The following WNT5A variants were observed in gnomAD, a reference collection of about 807,000 sequenced individuals.
WNT5A encodes protein Wnt-5a.
Under a neutral mutation model 42.1 loss-of-function variants are expected in WNT5A, and 9 were observed. The observed-to-expected ratio is 0.21, with a 90% CI of 0.13 to 0.37. The LOEUF (loss-of-function observed/expected upper bound fraction) is 0.37, where lower values mean the gene tolerates loss of function less well. WNT5A is among the 10% of genes least tolerant of loss of function. The pLI, the probability that WNT5A is intolerant of heterozygous loss-of-function variation, is 1.00. For missense variants in WNT5A, 426 were observed against 534.0 expected (o/e 0.80, Z 1.99); for synonymous variants, 210 against 210.0 (o/e 1.00, Z 0.00).
chr3:55,473,560 A>G (rs1352262792), intron 4 of WNT5A, among the ~76,000 whole-genome samples: 1 of 152,196 alleles, frequency 6.6e-6, no homozygotes, highest in African/African-American at 2.4e-5. Context: ...GAGGACTGCA[A>G]AGATGGTCCT....
In WNT5A at chr3:55,487,204, A is replaced by G; in HGVS notation, c.-219T>C. The G allele has an allele frequency of 2.0e-6, 1 of 511,706 alleles. No homozygotes were observed. The highest frequency in any genetic ancestry group is 3.4e-6 in the Non-Finnish European group (1 of 293,724). The allele number at this position is 511,706 out of a possible 1,614,324, so 31.7% of individuals were successfully genotyped here. ...GGGGCAGAGCTGGGATGCGCCCAGG[A>G]ATGGAGGGGGCGCGGACGCGCGCGA... On this transcript the variant is annotated 5_prime_UTR_variant, in exon 1 of 5. Transcript: ENST00000264634.
At chr3:55,477,711 T>C (rs2051383274) in intron 3 of WNT5A, among the ~76,000 whole-genome samples, 1 of 152,140 alleles carries the variant, frequency 6.6e-6, no homozygotes, top group Admixed American at 6.5e-5. Context: ...ACTTAGCAAA[T>C]GATAGCTTAT....
rs903791855 is a variant in WNT5A at position 55,466,651 on chromosome 3, A to AT, written c.*3440dup. 2.6e-5 allele frequency: 4 copies of AT among 152,500 alleles called. No homozygotes were observed. The highest frequency in any genetic ancestry group is 2.6e-4 in the Admixed American group (4 of 15,272). The allele number at this position is 152,500 out of a possible 1,614,324, so 9.4% of individuals were successfully genotyped here. ...CTCTTTTGCTGCTGCCTATATATAA[A>AT]TTTTTTATTAATTTTCTTGTATTGG... On this transcript the variant is annotated 3_prime_UTR_variant, in exon 5 of 5. Coordinates refer to ENST00000264634, the MANE Select transcript of WNT5A (RefSeq NM_003392.7).
chr3:55,490,956 A>C (rs1202135377), upstream of WNT5A, among the ~76,000 whole-genome samples: 1 of 152,140 alleles, frequency 6.6e-6, no homozygotes, highest in African/African-American at 2.4e-5. Context: ...TGATAATATT[A>C]ATAATTAGTG....
In WNT5A at chr3:55,484,685, TACACACACACACACACACAC is replaced by T. The variant is rs67013864; in HGVS notation, c.6+2275_6+2294del. 3.1e-3 allele frequency among the ~76,000 whole-genome samples: 432 copies of T among 137,984 alleles called. 4 individuals carry two copies. Among genetic ancestry groups the T allele is most frequent in the South Asian group, 5.7e-3 (23 of 4,066 alleles). 90.5% of individuals were successfully genotyped at this position (137,984 alleles called of 152,430 possible). ...AGACTGGGCTTTCCAGGCCCCAGGATACACACACACACACACACACACACACACACACACACACACACACA... is the reference window on the plus strand; with the variant it reads ...AGACTGGGCTTTCCAGGCCCCAGGATACACACACACACACACACACACACA... On this transcript the variant is annotated intron_variant, in intron 1 of 4. Transcript: ENST00000264634.
Position 55,474,321 on chromosome 3 carries a change from G to C in WNT5A, c.684+16C>G, listed in dbSNP as rs745452022. The C allele has an allele frequency of 6.2e-7, 1 of 1,612,518 alleles. No individual in the cohort carries two copies. The highest frequency in any genetic ancestry group is 8.5e-7 in the Non-Finnish European group (1 of 1,179,722). ...GAAGACAGAGATGCGGGGCGGGGGCGAGACGCGGCACTCACCCTGCGGCCG... is the reference window on the plus strand; with the variant it reads ...GAAGACAGAGATGCGGGGCGGGGGCCAGACGCGGCACTCACCCTGCGGCCG... On this transcript the variant is annotated intron_variant, in intron 4 of 4. Coordinates refer to ENST00000264634, the MANE Select transcript of WNT5A (RefSeq NM_003392.7).
the WNT5A span, among the ~76,000 whole-genome samples, chr3:55,500,895 C>A: frequency 5.2e-4 from 79 of 152,152 alleles, 1 homozygote; most frequent in Non-Finnish European, 2.5e-4. Flanking sequence ...TTAAATGCAG[C>A]CTTACCCATC....
chr3:55,502,297 A>T, the WNT5A span, among the ~76,000 whole-genome samples: 1 of 152,196 alleles, frequency 6.6e-6, no homozygotes. Flanking sequence ...TTCAGAAAAC[A>T]CCAACTGTGA....
the WNT5A span, among the ~76,000 whole-genome samples, chr3:55,499,939 C>T: frequency 6.6e-6 from 1 of 150,694 alleles, no homozygotes. Context: ...AGAGCCACTG[C>T]ACTCCAGCCT....
At position 55,469,876 on chromosome 3, in the gene WNT5A, A is replaced by T. The variant is rs2051212723; in HGVS notation, c.*216T>A. The T allele has an allele frequency of 7.9e-6, 4 of 507,362 alleles. No individual in the cohort carries two copies. The highest frequency in any genetic ancestry group is 6.8e-6 in the Non-Finnish European group (2 of 293,004). The allele number at this position is 507,362 out of a possible 1,614,324, so 31.4% of individuals were successfully genotyped here. A position where few individuals can be genotyped will look rare whatever the true frequency, so the allele number is the denominator to read the frequency against. On this transcript the variant is annotated 3_prime_UTR_variant, in exon 5 of 5. Coordinates refer to ENST00000264634, the MANE Select transcript of WNT5A (RefSeq NM_003392.7). The stretch of plus-strand genomic sequence containing the variant: ...CTTTTCAAAGATCCACAAAATAAAT[A>T]TTTTTCTTGGTTCCCACCCCCATTA...
rs1278340577 is a variant in WNT5A, at chr3:55,468,102, T to C, written c.*1990A>G. On this transcript the variant is annotated 3_prime_UTR_variant, in exon 5 of 5. Transcript: ENST00000264634. Reference sequence around the variant, plus strand: ...ACAACGTAAGTCTGAGATAAGAACATATTTGATGGCACTGTTTGGAAAGAG... The same window carrying C: ...ACAACGTAAGTCTGAGATAAGAACACATTTGATGGCACTGTTTGGAAAGAG... 3.4e-5 allele frequency: 5 copies of C among 145,014 alleles called. No individual in the cohort carries two copies. The highest frequency in any genetic ancestry group is 2.1e-4 in the Admixed American group (3 of 14,274). The allele number at this position is 145,014 out of a possible 1,614,324, so 9.0% of individuals were successfully genotyped here. A position where few individuals can be genotyped will look rare whatever the true frequency, so the allele number is the denominator to read the frequency against.
At chr3:55,490,718 C>T (rs1476541213), upstream of WNT5A, among the ~76,000 whole-genome samples, 2 of 152,182 alleles carry the variant, frequency 1.3e-5, no homozygotes, top group Non-Finnish European at 2.9e-5. Context: ...TTTTCAAACT[C>T]CTGTGGTGGT....
Position 55,474,363 on chromosome 3 carries a change from G to C in WNT5A, c.658C>G (p.Leu220Val). 2 of 1,613,062 alleles carry C rather than the reference G, an allele frequency of 1.2e-6. No individual in the cohort carries two copies. The highest frequency in any genetic ancestry group is 1.7e-6 in the Non-Finnish European group (2 of 1,179,820). Residue 220 changes from leucine to valine, a missense_variant, in exon 4 of 5, where the codon CTG (leucine) becomes GTG (valine). By Grantham distance (32) the Leu-to-Val change is conservative. Coordinates refer to ENST00000264634, the MANE Select transcript of WNT5A (RefSeq NM_003392.7). Reference sequence around the variant, plus strand: ...CTGCGGCCGGCCTCGTTGTTGTGCAGGTTCATGAGGATGCGAGCACTCTCG... The same window carrying C: ...CTGCGGCCGGCCTCGTTGTTGTGCACGTTCATGAGGATGCGAGCACTCTCG... The part of the protein sequence containing the change: ...SYESARILMN[L>V]HNNEAGRRTV...
At chr3:55,499,359 C>T in the WNT5A span, among the ~76,000 whole-genome samples, 1 of 152,128 alleles carries the variant, frequency 6.6e-6, no homozygotes, top group Non-Finnish European at 1.5e-5. Context: ...TCCATGAATG[C>T]AAAGCGGGAA....
At chr3:55,504,361 C>A in the WNT5A span, among the ~76,000 whole-genome samples, 2 of 152,162 alleles carry the variant, frequency 1.3e-5, no homozygotes, top group East Asian at 3.9e-4. Context: ...AACAAACAAA[C>A]AGAAGAAACC....
At position 55,479,461 on chromosome 3, in the gene WNT5A, G is replaced by A. The variant is rs1231830718; in HGVS notation, c.244C>T (p.Leu82=). Reference sequence around the variant, plus strand: ...ATGTGGTCCTGATACAAGTGGCACAGTTTCTTCTGTCCTTGAGAAAGTCCT... The same window carrying A: ...ATGTGGTCCTGATACAAGTGGCACAATTTCTTCTGTCCTTGAGAAAGTCCT... ...LAGLSQGQKK[L]CHLYQDHMQY... The change falls in exon 3 of 5, where the codon CTG becomes TTG. Residue 82 remains leucine (L), a synonymous_variant. Coordinates refer to ENST00000264634, the MANE Select transcript of WNT5A (RefSeq NM_003392.7). 6.2e-7 allele frequency: 1 copy of A among 1,614,022 alleles called. No homozygotes were observed. Among genetic ancestry groups the A allele is most frequent in the East Asian group, 2.2e-5 (1 of 44,878 alleles).
intron 4 of WNT5A, among the ~76,000 whole-genome samples, chr3:55,473,815 G>A (rs767676352): frequency 1.3e-5 from 2 of 152,210 alleles, no homozygotes; most frequent in African/African-American, 2.4e-5. Context: ...TACGAAGACA[G>A]AAAAATCCCT....
chr3:55,488,794 G>A (rs2051622608), upstream of WNT5A, among the ~76,000 whole-genome samples: 1 of 152,316 alleles, frequency 6.6e-6, no homozygotes, highest in East Asian at 1.9e-4. Context: ...TGGCTCGCCC[G>A]CGTATCCCAG....
At chr3:55,485,836 G>A (rs1260945869) in intron 1 of WNT5A, among the ~76,000 whole-genome samples, 1 of 152,204 alleles carries the variant, frequency 6.6e-6, no homozygotes, top group Non-Finnish European at 1.5e-5. Flanking sequence ...GGGGTCTCCA[G>A]ACTTGAAGTT....
Sources: gnomAD v4.1 joint callset for allele counts (sites outside exome capture counted in the v4.1 genomes callset) on GRCh38, gnomAD v4.1.1 for gene constraint, MANE v1.5 for transcripts, NCBI Gene and HGNC (gene_info 2026-07-23, HGNC 2026-07-21) for gene names.